Variants in SLC13A1 observed in about 807,000 individuals in gnomAD.
SLC13A1 encodes the protein Na(+)/sulfate cotransporter.
A neutral mutation model predicts 70.0 loss-of-function variants in SLC13A1; 65 were observed. The ratio of observed to expected loss-of-function variants is 0.93; its 90% CI spans 0.76 to 1.14. The LOEUF (loss-of-function observed/expected upper bound fraction) is 1.14. SLC13A1 is among the 50% of genes most tolerant of loss of function. The pLI, the probability that SLC13A1 is intolerant of heterozygous loss-of-function variation, is 0.00. For synonymous variants in SLC13A1, 275 were observed against 250.5 expected, an observed-to-expected ratio of 1.10 and a Z score of -0.92; for missense variants, 726 against 717.8, an observed-to-expected ratio of 1.01 and a Z score of -0.13.
At chr7:123,160,606 T>G (rs184543716) in intron 6 of SLC13A1, among the ~76,000 whole-genome samples, 29 of 152,236 alleles carry the variant, frequency 1.9e-4, no homozygotes, top group African/African-American at 6.5e-4. Context: ...TACAGAGTTT[T>G]GGAAAACATC....
At position 123,194,974 on chromosome 7, in the gene SLC13A1, C is replaced by T. The variant is rs141560252; in HGVS notation, c.99+4874G>A. Among the ~76,000 whole-genome samples the T allele has an allele frequency of 4.1e-3, 628 of 152,162 alleles. 6 individuals are homozygous for T. Among genetic ancestry groups the T allele is most frequent in the Admixed American group, 0.011 (173 of 15,264 alleles). Reference sequence around the variant, plus strand: ...GCACAGATGATTTCTTTAAATTATTCGGCATGTGTTTAGGTACAACCTACT... The same window carrying T: ...GCACAGATGATTTCTTTAAATTATTTGGCATGTGTTTAGGTACAACCTACT... On this transcript the variant is annotated intron_variant, in intron 1 of 14. Coordinates refer to ENST00000194130, the MANE Select transcript of SLC13A1 (RefSeq NM_022444.4).
rs3779263 is a variant in SLC13A1 at position 123,172,006 on chromosome 7, G to A, written c.229-102C>T. On this transcript the variant is annotated intron_variant, in intron 2 of 14. Coordinates refer to ENST00000194130, the MANE Select transcript of SLC13A1 (RefSeq NM_022444.4). ...CTGCTCTTAATTTTGACCTTCAACC[G>A]CATAATCTTTCCATTTTGTTGAGAA... 587 of 1,013,502 alleles carry A rather than the reference G, an allele frequency of 5.8e-4. 9 individuals carry two copies. In the East Asian group the frequency reaches 0.013, roughly 23 times the overall value. 62.8% of individuals were successfully genotyped at this position (1,013,502 alleles called of 1,614,324 possible).
intron 1 of SLC13A1, 87 bp downstream of exon 1, chr7:123,199,761 G>A (rs768071360): frequency 2.4e-5 from 23 of 960,792 alleles, no homozygotes; most frequent in Non-Finnish European, 3.3e-5. Context: ...TCAGCTCTGA[G>A]CCAGGCAGTT....
Position 123,146,114 on chromosome 7 carries a change from G to A in SLC13A1, c.812+1045C>T, listed in dbSNP as rs556724981. Among the ~76,000 whole-genome samples, 22 of 152,136 alleles carry A rather than the reference G, an allele frequency of 1.4e-4. 1 individual carries two copies. Among genetic ancestry groups the A allele is most frequent in the South Asian group, 1.0e-3 (5 of 4,812 alleles). On this transcript the variant is annotated intron_variant, in intron 7 of 14. Transcript: ENST00000194130. Reference sequence around the variant, plus strand: ...ATTGTTTCAATGATACTTACATAGCGCAAAATATTTTTACATAGTTTACTT... The same window carrying A: ...ATTGTTTCAATGATACTTACATAGCACAAAATATTTTTACATAGTTTACTT...
rs1216125568 is a variant in SLC13A1 at position 123,190,234 on chromosome 7, C to T, written c.100-9133G>A. On this transcript the variant is annotated intron_variant, in intron 1 of 14. Coordinates refer to ENST00000194130, the MANE Select transcript of SLC13A1 (RefSeq NM_022444.4). ...ATGATAGCCATAAGGCTTATTCAGG[C>T]ATCTTGCTGATACTACATGTCACGT... Among the ~76,000 whole-genome samples, 3 of 152,114 alleles carry T rather than the reference C, an allele frequency of 2.0e-5. No homozygotes were observed. In the East Asian group the frequency reaches 5.8e-4, roughly 29 times the overall value.
intron 12 of SLC13A1, 77 bp from the exon 13 acceptor site, chr7:123,119,319 CAT>C: frequency 1.0e-6 from 1 of 1,003,910 alleles, no homozygotes; most frequent in Non-Finnish European, 1.4e-6. Flanking sequence ...CATAAAAAAA[CAT>C]TATTTCCTTT....
intron 4 of SLC13A1, 121 bp downstream of exon 4, chr7:123,169,027 A>G (rs919830425): frequency 9.5e-6 from 8 of 839,862 alleles, no homozygotes; most frequent in South Asian, 7.7e-5. Flanking sequence ...TAGAGGGAAG[A>G]AAGTTAAATT....
chr7:123,161,824 TG>T (rs1794915802), intron 6 of SLC13A1, among the ~76,000 whole-genome samples: 1 of 152,112 alleles, frequency 6.6e-6, no homozygotes, highest in Non-Finnish European at 1.5e-5. Context: ...GGCAAGGGGT[TG>T]GGGGTGATTC....
intron 6 of SLC13A1, among the ~76,000 whole-genome samples, chr7:123,161,764 A>G (rs1794912686): frequency 6.6e-6 from 1 of 152,174 alleles, no homozygotes; most frequent in Non-Finnish European, 1.5e-5. Flanking sequence ...GTGATAAAAC[A>G]AAAGAAAACA....
At chr7:123,126,674 A>T (rs1484684170) in intron 10 of SLC13A1, among the ~76,000 whole-genome samples, 1 of 152,132 alleles carries the variant, frequency 6.6e-6, no homozygotes, top group Non-Finnish European at 1.5e-5. Context: ...AAAGCAGTCT[A>T]CTTTCTTTAA....
At chr7:123,190,485 G>C (rs1795957377) in intron 1 of SLC13A1, 11 of 451,296 alleles carry the variant, frequency 2.4e-5, no homozygotes, top group South Asian at 1.6e-4. Context: ...ATAAGTAAGG[G>C]GGAAGGGTCC....
At chr7:123,188,890 C>A (rs1241411800) in intron 1 of SLC13A1, among the ~76,000 whole-genome samples, 2 of 151,590 alleles carry the variant, frequency 1.3e-5, no homozygotes, top group Admixed American at 6.6e-5. Flanking sequence ...CCGAGGCGGG[C>A]GGATCACGAG....
intron 6 of SLC13A1, chr7:123,148,424 C>T (rs970243821): frequency 2.2e-6 from 1 of 447,318 alleles, no homozygotes; most frequent in African/African-American, 2.0e-5. Context: ...ATGGCACATC[C>T]TGAAATGGTT....
At chr7:123,180,610 A>G (rs913196355) in intron 2 of SLC13A1, among the ~76,000 whole-genome samples, 1 of 152,192 alleles carries the variant, frequency 6.6e-6, no homozygotes. Flanking sequence ...TTTCTTCATT[A>G]AAAACAAAAT....
chr7:123,194,939 C>T (rs1042210812), intron 1 of SLC13A1, among the ~76,000 whole-genome samples: 2 of 152,210 alleles, frequency 1.3e-5, no homozygotes, highest in South Asian at 2.1e-4. Flanking sequence ...TTTTTAATTA[C>T]GCCTTCATAG....
At position 123,117,451 on chromosome 7, in the gene SLC13A1, A is replaced by AT. The variant is rs28364221; in HGVS notation, c.1650+19dup. 0.23 allele frequency: 365,949 copies of AT among 1,608,160 alleles called. 44,660 individuals are homozygous for AT. Among genetic ancestry groups the AT allele is most frequent in the Admixed American group, 0.31 (18,355 of 59,694 alleles). ...CAAGATGTGTATTGGATTTGATAGT[A>AT]TTTTTTTCAGCTAACTCACCATGTC... On this transcript the variant is annotated intron_variant, in intron 14 of 14. Coordinates refer to ENST00000194130, the MANE Select transcript of SLC13A1 (RefSeq NM_022444.4).
At chr7:123,168,331 T>C in intron 6 of SLC13A1, 43 bp downstream of exon 6, 2 of 1,288,252 alleles carry the variant, frequency 1.6e-6, no homozygotes, top group South Asian at 1.3e-5. Context: ...AGCTCTAATA[T>C]AATTTTGTAT....
rs146835273 is a variant in SLC13A1 at position 123,178,017 on chromosome 7, T to TTCTCTCTCTC, written c.228+2946_228+2955dup. Among the ~76,000 whole-genome samples the TTCTCTCTCTC allele has an allele frequency of 5.1e-3, 753 of 148,992 alleles. 4 individuals are homozygous for TTCTCTCTCTC. Among genetic ancestry groups the TTCTCTCTCTC allele is most frequent in the South Asian group, 9.8e-3 (46 of 4,678 alleles). On this transcript the variant is annotated intron_variant, in intron 2 of 14. Coordinates refer to ENST00000194130, the MANE Select transcript of SLC13A1 (RefSeq NM_022444.4). ...TAACATAACACCTATATCTCTCTCTTTCTCTCTCTCTCTCTCTATATATAT... is the reference window on the plus strand; with the variant it reads ...TAACATAACACCTATATCTCTCTCTTTCTCTCTCTCTCTCTCTCTCTCTCTCTATATATAT...
At chr7:123,176,921 C>T (rs1373629053) in intron 2 of SLC13A1, among the ~76,000 whole-genome samples, 2 of 152,056 alleles carry the variant, frequency 1.3e-5, no homozygotes, top group Non-Finnish European at 2.9e-5. Context: ...TCATTCACTC[C>T]CTGAGTGATC....
Sources: gnomAD v4.1 joint callset for allele counts (sites outside exome capture counted in the v4.1 genomes callset) on GRCh38, gnomAD v4.1.1 for gene constraint, MANE v1.5 for transcripts, NCBI Gene and HGNC (gene_info 2026-07-23, HGNC 2026-07-21) for gene names.